Variants in COX7B2 observed in about 807,000 individuals in gnomAD.
The protein encoded by COX7B2 is cytochrome c oxidase subunit 7B2, mitochondrial.
For synonymous variants in COX7B2, 37 were observed against 32.1 expected (o/e 1.15, Z -0.51); for missense variants, 109 against 95.9 (o/e 1.14, Z -0.57).
At chr4:46,780,882 C>A (rs1019763989) in intron 2 of COX7B2, among the ~76,000 whole-genome samples, 43 of 152,316 alleles carry the variant, frequency 2.8e-4, no homozygotes, top group Non-Finnish European at 5.3e-4. Context: ...CATTACTTCA[C>A]AAAACGAAGT....
intron 2 of COX7B2, among the ~76,000 whole-genome samples, chr4:46,821,272 G>C (rs1217019867): frequency 6.6e-6 from 1 of 152,124 alleles, no homozygotes; most frequent in East Asian, 1.9e-4. Context: ...AGAAAATATT[G>C]TTAGATAGCA....
chr4:46,738,656 T>C (rs1040185939), intron 2 of COX7B2, among the ~76,000 whole-genome samples: 1 of 152,106 alleles, frequency 6.6e-6, no homozygotes, highest in Non-Finnish European at 1.5e-5. Flanking sequence ...GTCCTACTCC[T>C]ATTATCTAAA....
At chr4:46,868,922 C>G (rs1437084017) in intron 1 of COX7B2, among the ~76,000 whole-genome samples, 1 of 152,060 alleles carries the variant, frequency 6.6e-6, no homozygotes, top group East Asian at 1.9e-4. Flanking sequence ...TCCTGAATAT[C>G]TTTGTTAATT....
intron 1 of COX7B2, among the ~76,000 whole-genome samples, chr4:46,898,632 C>T (rs187812291): frequency 1.3e-5 from 2 of 152,098 alleles, no homozygotes; most frequent in East Asian, 3.9e-4. Flanking sequence ...GCTGTGTTAA[C>T]CAGGCTGTTC....
chr4:46,797,602 G>A (rs576760265), intron 2 of COX7B2, among the ~76,000 whole-genome samples: 4 of 152,138 alleles, frequency 2.6e-5, no homozygotes, highest in African/African-American at 9.7e-5. Context: ...AACCAAAAGC[G>A]ACACCACTTT....
At chr4:46,789,904 A>G (rs957643505) in intron 2 of COX7B2, among the ~76,000 whole-genome samples, 1 of 152,110 alleles carries the variant, frequency 6.6e-6, no homozygotes, top group Non-Finnish European at 1.5e-5. Context: ...GACACTTCTT[A>G]GGATTTTAAA....
intron 1 of COX7B2, among the ~76,000 whole-genome samples, chr4:46,872,297 A>G (rs935071421): frequency 6.6e-5 from 10 of 152,138 alleles, no homozygotes; most frequent in Non-Finnish European, 1.5e-4. Flanking sequence ...CAATGAAGGA[A>G]ACAACAGACA....
intron 2 of COX7B2, among the ~76,000 whole-genome samples, chr4:46,782,085 C>T (rs913334485): frequency 6.6e-6 from 1 of 152,184 alleles, no homozygotes; most frequent in African/African-American, 2.4e-5. Flanking sequence ...CCCATGGCCC[C>T]TGCGCAGGAT....
At chr4:46,766,721 A>AG (rs1390079999) in intron 2 of COX7B2, among the ~76,000 whole-genome samples, 1 of 151,470 alleles carries the variant, frequency 6.6e-6, no homozygotes, top group Admixed American at 6.6e-5. Context: ...AAAAAAAAAA[A>AG]AAGAGTCAGG....
At chr4:46,903,246 A>T (rs139954498) in intron 1 of COX7B2, among the ~76,000 whole-genome samples, 2 of 152,272 alleles carry the variant, frequency 1.3e-5, no homozygotes, top group African/African-American at 4.8e-5. Context: ...TTCAAATCAG[A>T]ATGCTTAGGT....
chr4:46,750,630 C>A (rs546848445), intron 2 of COX7B2, among the ~76,000 whole-genome samples: 5 of 152,172 alleles, frequency 3.3e-5, no homozygotes, highest in African/African-American at 1.2e-4. Context: ...TCTTTGATAC[C>A]ACTTCTTCAG....
chr4:46,907,811 G>A (rs17598914), intron 1 of COX7B2, among the ~76,000 whole-genome samples: 17,553 of 145,132 alleles, frequency 0.12, 1,572 homozygotes, highest in East Asian at 0.31. Flanking sequence ...CTCTGAAGAG[G>A]AGTCAAAACA....
intron 1 of COX7B2, among the ~76,000 whole-genome samples, chr4:46,862,485 C>T (rs971284517): frequency 6.6e-6 from 1 of 152,150 alleles, no homozygotes; most frequent in African/African-American, 2.4e-5. Context: ...AGCATGCTAT[C>T]AAATTAGCGC....
At chr4:46,856,670 C>G (rs1448087789) in intron 1 of COX7B2, among the ~76,000 whole-genome samples, 1 of 152,128 alleles carries the variant, frequency 6.6e-6, no homozygotes, top group Non-Finnish European at 1.5e-5. Context: ...AAGCACCTTT[C>G]TCTCAGAAAA....
intron 1 of COX7B2, among the ~76,000 whole-genome samples, chr4:46,897,602 C>T (rs1719840354): frequency 6.6e-6 from 1 of 152,170 alleles, no homozygotes; most frequent in African/African-American, 2.4e-5. Context: ...TCATGCACCC[C>T]TTGGTAATCC....
At chr4:46,888,605 G>A (rs1353758069) in intron 1 of COX7B2, among the ~76,000 whole-genome samples, 12 of 151,694 alleles carry the variant, frequency 7.9e-5, no homozygotes, top group Admixed American at 7.9e-4. Flanking sequence ...CACCATGCCT[G>A]GCTAATTTTT....
chr4:46,764,352 C>G (rs899404645), intron 2 of COX7B2, among the ~76,000 whole-genome samples: 2 of 151,544 alleles, frequency 1.3e-5, no homozygotes, highest in African/African-American at 4.9e-5. Context: ...CAAGACCAGC[C>G]TGACCAACAT....
intron 2 of COX7B2, among the ~76,000 whole-genome samples, chr4:46,737,644 T>C (rs1035696071): frequency 3.3e-5 from 5 of 152,164 alleles, no homozygotes; most frequent in Non-Finnish European, 7.4e-5. Context: ...ATTTCTTAGA[T>C]AGTTACAAGA....
At chr4:46,843,542 A>G (rs1716078099) in intron 2 of COX7B2, among the ~76,000 whole-genome samples, 1 of 152,102 alleles carries the variant, frequency 6.6e-6, no homozygotes, top group African/African-American at 2.4e-5. Flanking sequence ...GTTTTTAAAA[A>G]CATTCTTTCA....
Sources: gnomAD v4.1 joint callset for allele counts (sites outside exome capture counted in the v4.1 genomes callset) on GRCh38, gnomAD v4.1.1 for gene constraint, MANE v1.5 for transcripts, NCBI Gene and HGNC (gene_info 2026-07-23, HGNC 2026-07-21) for gene names.